Variants in SPEF2 observed in about 807,000 individuals in gnomAD.
The protein encoded by SPEF2 is sperm flagella and cilia-associated protein 2.
In SPEF2, 187 loss-of-function variants were observed where a neutral mutation model predicts 224.6. The ratio of observed to expected loss-of-function variants is 0.83; its 90% confidence interval spans 0.74 to 0.94. The LOEUF is 0.94. Among genes scored for constraint, SPEF2 ranks in the 40% least tolerant of loss-of-function variants. SPEF2 has a pLI of 0.00. For missense variants in SPEF2, 2,170 were observed against 2,135.6 expected, an observed-to-expected ratio of 1.02 and a Z score of -0.32; for synonymous variants, 715 against 707.3, an observed-to-expected ratio of 1.01 and a Z score of -0.17.
chr5:35,799,280 A>G lies in SPEF2; in HGVS notation c.4831-688A>G, dbSNP rs141633628. On this transcript the variant is annotated intron_variant, in intron 33 of 36. Transcript: ENST00000356031. ...TGCCTGGGTGTGGCCTATGTGTTCC[A>G]GGGCTTGGGCCTCTGCTTTGGAGGG... Among the ~76,000 whole-genome samples, 424 of 152,340 alleles carry G rather than the reference A, an allele frequency of 2.8e-3. 1 individual carries two copies. The highest frequency in any genetic ancestry group is 4.6e-3 in the Non-Finnish European group (312 of 68,020).
intron 6 of SPEF2, among the ~76,000 whole-genome samples, chr5:35,653,845 G>A (rs1748547801): frequency 2.0e-5 from 3 of 151,082 alleles, no homozygotes; most frequent in Admixed American, 2.0e-4. Flanking sequence ...TACTCGGGAG[G>A]CTGAGGCAGG....
Position 35,739,818 on chromosome 5 carries a change from G to A in SPEF2, c.3064-101G>A, listed in dbSNP as rs1747282216. On this transcript the variant is annotated intron_variant, in intron 21 of 36. Coordinates refer to ENST00000356031, the MANE Select transcript of SPEF2 (RefSeq NM_024867.4). Reference sequence around the variant, plus strand: ...ACAGGGAATGCTTTATGTAGTTGCAGTTGCATCTTGACCTTTTTGCTTGGG... The same window carrying A: ...ACAGGGAATGCTTTATGTAGTTGCAATTGCATCTTGACCTTTTTGCTTGGG... The A allele has an allele frequency of 3.7e-6, 5 of 1,368,902 alleles. No individual in the cohort carries two copies. The South Asian group carries it at 4.2e-5, about 11-fold the overall frequency. The allele number at this position is 1,368,902 out of a possible 1,614,324, so 84.8% of individuals were successfully genotyped here. A position where few individuals can be genotyped will look rare whatever the true frequency, so the allele number is the denominator to read the frequency against.
rs142598555 is a variant in SPEF2, at chr5:35,791,758, C to A, written c.4448-582C>A. Reference sequence around the variant, plus strand: ...GCAAAGATTTTAAAAGGTTAGTAGTCTTTCATGAAATACTTAGGAATACTG... The same window carrying A: ...GCAAAGATTTTAAAAGGTTAGTAGTATTTCATGAAATACTTAGGAATACTG... On this transcript the variant is annotated intron_variant, in intron 30 of 36. Transcript: ENST00000356031. Among the ~76,000 whole-genome samples, 341 of 152,194 alleles carry A rather than the reference C, an allele frequency of 2.2e-3. 6 individuals are homozygous for A. Among genetic ancestry groups the A allele is most frequent in the Admixed American group, 0.02 (305 of 15,294 alleles).
At position 35,747,508 on chromosome 5, in the gene SPEF2, G is replaced by A. The variant is rs372896486; in HGVS notation, c.3331-6116G>A. Among the ~76,000 whole-genome samples, 205 of 152,232 alleles carry A rather than the reference G, an allele frequency of 1.3e-3. 1 individual carries two copies. Among genetic ancestry groups the A allele is most frequent in the African/African-American group, 4.7e-3 (194 of 41,562 alleles). On this transcript the variant is annotated intron_variant, in intron 23 of 36. Coordinates refer to ENST00000356031, the MANE Select transcript of SPEF2 (RefSeq NM_024867.4). ...TGGAAAAAGGCATTTCATGCAAATGGACACAAAAAGTGAGCAGGGTAGCTA... is the reference window on the plus strand; with the variant it reads ...TGGAAAAAGGCATTTCATGCAAATGAACACAAAAAGTGAGCAGGGTAGCTA...
At position 35,641,644 on chromosome 5, in the gene SPEF2, T is replaced by A. The variant is rs370069927; in HGVS notation, c.375T>A (p.Asn125Lys). The change falls in exon 3 of 37, where the codon AAT becomes AAA. Residue 125 changes from asparagine to lysine, a missense_variant. Transcript: ENST00000356031. The part of the protein sequence containing the change: ...VEMQTMQRLT[N>K]LRLQNMKSDT... ...TGCAAACCATGCAACGTCTGACAAATTTAAGACTTCAAAACATGAAAAGTG... is the reference window on the plus strand; with the variant it reads ...TGCAAACCATGCAACGTCTGACAAAATTAAGACTTCAAAACATGAAAAGTG... 6.2e-7 allele frequency: 1 copy of A among 1,613,368 alleles called. No homozygotes were observed. Among genetic ancestry groups the A allele is most frequent in the African/African-American group, 1.3e-5 (1 of 74,848 alleles).
At chr5:35,790,383 G>A (rs1247220948) in intron 30 of SPEF2, 1 of 497,940 alleles carries the variant, frequency 2.0e-6, no homozygotes, top group Non-Finnish European at 3.5e-6. Flanking sequence ...ATATGCAAAT[G>A]TTGACATTTT....
Position 35,617,888 on chromosome 5 carries a change from C to A in SPEF2, c.-110C>A. 1.9e-6 allele frequency: 2 copies of A among 1,038,656 alleles called. No individual in the cohort carries two copies. Among genetic ancestry groups the A allele is most frequent in the Non-Finnish European group, 2.9e-6 (2 of 680,840 alleles). The allele number at this position is 1,038,656 out of a possible 1,614,324, so 64.3% of individuals were successfully genotyped here. Reference sequence around the variant, plus strand: ...CTTTCGCCTAGTTCCAGCCTGGATACGCTTCCATAGCAAAGGGTTGCCCTT... The same window carrying A: ...CTTTCGCCTAGTTCCAGCCTGGATAAGCTTCCATAGCAAAGGGTTGCCCTT... On this transcript the variant is annotated 5_prime_UTR_variant, in exon 1 of 37. Coordinates refer to ENST00000356031, the MANE Select transcript of SPEF2 (RefSeq NM_024867.4).
rs6895801 is a variant in SPEF2, at chr5:35,763,814, A to G, written c.3801+112A>G. 0.93 allele frequency: 947,224 copies of G among 1,019,922 alleles called. 440,753 individuals are homozygous for G. Among genetic ancestry groups the G allele is most frequent in the South Asian group, 0.99 (39,775 of 40,318 alleles). 63.2% of individuals were successfully genotyped at this position (1,019,922 alleles called of 1,614,324 possible). On this transcript the variant is annotated intron_variant, in intron 26 of 36. Coordinates refer to ENST00000356031, the MANE Select transcript of SPEF2 (RefSeq NM_024867.4). Reference sequence around the variant, plus strand: ...ACAATGCTCTCAAGCACTGTAGAAAATTGTACCTTCGAAACATTTTTTTTC... The same window carrying G: ...ACAATGCTCTCAAGCACTGTAGAAAGTTGTACCTTCGAAACATTTTTTTTC...
chr5:35,710,512 G>A, intron 19 of SPEF2: 7 of 878,238 alleles, frequency 8.0e-6, no homozygotes, highest in Non-Finnish European at 9.6e-6. Context: ...AGCCGAGATT[G>A]CCCCACTGCA....
At chr5:35,655,158 AGC>A (rs1437898986) in intron 7 of SPEF2, among the ~76,000 whole-genome samples, 2 of 152,286 alleles carry the variant, frequency 1.3e-5, no homozygotes, top group East Asian at 3.9e-4. Context: ...TGGTTCTTTA[AGC>A]ATGGTTCCTG....
At chr5:35,770,422 C>T (rs920730864) in intron 26 of SPEF2, among the ~76,000 whole-genome samples, 4 of 152,062 alleles carry the variant, frequency 2.6e-5, no homozygotes, top group African/African-American at 4.8e-5. Context: ...ACTATAGTCA[C>T]GGTGCTGGGC....
intron 20 of SPEF2, among the ~76,000 whole-genome samples, chr5:35,722,919 C>T (rs1284272640): frequency 1.3e-5 from 2 of 152,010 alleles, no homozygotes; most frequent in Non-Finnish European, 2.9e-5. Context: ...CAAGACTTTT[C>T]CTTAGTTCAG....
intron 30 of SPEF2, chr5:35,790,581 A>G: frequency 2.7e-6 from 1 of 367,314 alleles, no homozygotes; most frequent in Non-Finnish European, 4.8e-6. Context: ...AACTTCACTT[A>G]TGTATTCCTG....
intron 10 of SPEF2, among the ~76,000 whole-genome samples, chr5:35,677,391 C>T (rs936665859): frequency 1.3e-5 from 2 of 152,130 alleles, no homozygotes; most frequent in African/African-American, 4.8e-5. Flanking sequence ...TAAGGATAGC[C>T]ACCACCATCA....
At chr5:35,619,101 T>C (rs1743098457) in intron 1 of SPEF2, among the ~76,000 whole-genome samples, 1 of 152,190 alleles carries the variant, frequency 6.6e-6, no homozygotes, top group African/African-American at 2.4e-5. Flanking sequence ...CTGTTGCATT[T>C]CTTGAGGCAT....
chr5:35,784,114 T>G (rs1052457159), intron 30 of SPEF2, among the ~76,000 whole-genome samples: 2 of 151,876 alleles, frequency 1.3e-5, no homozygotes, highest in African/African-American at 2.4e-5. Context: ...TTGAACCCCT[T>G]TTGGAGACCG....
At chr5:35,799,013 G>A (rs888096598) in intron 33 of SPEF2, among the ~76,000 whole-genome samples, 2 of 152,042 alleles carry the variant, frequency 1.3e-5, no homozygotes, top group African/African-American at 4.8e-5. Flanking sequence ...TAGTTGTAAG[G>A]GTTTTTGGTA....
chr5:35,658,883 T>C (rs1015069914), intron 7 of SPEF2, 136 bp from the exon 8 acceptor site: 5 of 613,000 alleles, frequency 8.2e-6, no homozygotes, highest in Non-Finnish European at 9.9e-6. Flanking sequence ...TTTTTTGCCA[T>C]GTTCAAATTA....
chr5:35,670,671 C>G (rs865979243), intron 10 of SPEF2: 1 of 985,574 alleles, frequency 1.0e-6, no homozygotes, highest in Middle Eastern at 5.2e-4. Context: ...TAGATTCAAA[C>G]AATCTTTTAT....
Sources: allele counts gnomAD v4.1 joint callset (sites outside exome capture counted in the v4.1 genomes callset), GRCh38; gene constraint gnomAD v4.1.1; transcripts MANE v1.5; gene names NCBI Gene and HGNC (gene_info 2026-07-23, HGNC 2026-07-21).